Variants in ADGRF1 observed in about 807,000 individuals in gnomAD.
ADGRF1 encodes G protein-coupled receptor 110.
In ADGRF1, 85 loss-of-function variants were observed where a neutral mutation model predicts 87.2. The observed-to-expected ratio is 0.97, with a 90% CI of 0.82 to 1.17. ADGRF1 has a LOEUF of 1.17. ADGRF1 is among the 50% of genes most tolerant of loss of function. ADGRF1 has a pLI of 0.00. For missense variants in ADGRF1, 1,169 were observed against 1,077.2 expected, an observed-to-expected ratio of 1.09 and a Z score of -1.19; for synonymous variants, 430 against 408.8, an observed-to-expected ratio of 1.05 and a Z score of -0.63.
rs376035911 is a variant in ADGRF1 at position 47,009,999 on chromosome 6, A to G, written c.1436T>C (p.Ile479Thr). ...CAGAGTCAACGAGGCCATGCTGATA[A>G]TAGTTTCTGGAAGGGATCTCTGGAA... ...DQFQRSLPET[I>T]ISMASLTLGN... Residue 479 changes from isoleucine to threonine, a missense_variant, in exon 11 of 15, where the codon ATT (isoleucine) becomes ACT (threonine). Transcript: ENST00000371253. 5.6e-6 allele frequency: 9 copies of G among 1,614,042 alleles called. No individual in the cohort carries two copies. The highest frequency in any genetic ancestry group is 6.8e-6 in the Non-Finnish European group (8 of 1,180,026).
chr6:47,040,657 C>T (rs1024284971), intron 1 of ADGRF1, among the ~76,000 whole-genome samples: 23 of 152,302 alleles, frequency 1.5e-4, no homozygotes, highest in Middle Eastern at 6.8e-3. Context: ...ACCCTTGTGA[C>T]GCACACCCCA....
At position 47,012,054 on chromosome 6, in the gene ADGRF1, A is replaced by T; in HGVS notation, c.1069T>A (p.Ser357Thr). 6.2e-7 allele frequency: 1 copy of T among 1,614,046 alleles called. No homozygotes were observed. Among genetic ancestry groups the T allele is most frequent in the Non-Finnish European group, 8.5e-7 (1 of 1,179,956 alleles). The change falls in exon 10 of 15, where the codon TCT becomes ACT. Residue 357 changes from serine to threonine, a missense_variant. Transcript: ENST00000371253. ...SVVSILSNIS[S>T]LSLASHFRVS... ...CTGAAATGGCTGGCCAGTGACAGAG[A>T]TGAAATATTGCTCAGAATCGACACC...
intron 7 of ADGRF1, chr6:47,018,315 A>C: frequency 9.2e-7 from 1 of 1,088,396 alleles, no homozygotes; most frequent in Non-Finnish European, 1.2e-6. Flanking sequence ...TATCATTCCC[A>C]TTTTATAGAT....
chr6:47,019,212 G>T, intron 7 of ADGRF1: 1 of 806,916 alleles, frequency 1.2e-6, no homozygotes, highest in Non-Finnish European at 1.5e-6. Flanking sequence ...AGTATAAATA[G>T]AAAACAAGGA....
At chr6:47,022,160 AGT>A in intron 5 of ADGRF1, 102 bp from the exon 6 acceptor site, 1 of 673,130 alleles carries the variant, frequency 1.5e-6, no homozygotes. Context: ...TCTATTCAAC[AGT>A]GATGTTTCAA....
Position 47,009,893 on chromosome 6 carries a change from G to A in ADGRF1, c.1542C>T (p.Ser514=). 2 of 1,614,022 alleles carry A rather than the reference G, an allele frequency of 1.2e-6. No individual in the cohort carries two copies. Among genetic ancestry groups the A allele is most frequent in the Non-Finnish European group, 1.7e-6 (2 of 1,179,916 alleles). ...PVISTVIQNY[S]INEVFLFFSK... ...AAAAAAATAGGAAAACTTCATTTAT[G>A]GAATAGTTTTGAATAACCGTGGATA... The change falls in exon 11 of 15, where the codon TCC becomes TCT. Residue 514 remains serine, a synonymous_variant. Coordinates refer to ENST00000371253, the MANE Select transcript of ADGRF1 (RefSeq NM_153840.4).
At chr6:47,021,932 TTATA>T in intron 6 of ADGRF1, 22 bp downstream of exon 6, 1 of 1,236,862 alleles carries the variant, frequency 8.1e-7, no homozygotes, top group Non-Finnish European at 1.2e-6. Flanking sequence ...AAACGATTCC[TTATA>T]TAATAAGTAG....
chr6:47,030,573 A>AAT (rs1261666492), intron 1 of ADGRF1, among the ~76,000 whole-genome samples: 1 of 89,132 alleles, frequency 1.1e-5, no homozygotes, highest in Non-Finnish European at 2.4e-5. Flanking sequence ...TGATAACATG[A>AAT]ATATGTGTGT....
chr6:47,016,253 T>G (rs926222941), intron 8 of ADGRF1, among the ~76,000 whole-genome samples: 1 of 152,196 alleles, frequency 6.6e-6, no homozygotes, highest in Non-Finnish European at 1.5e-5. Flanking sequence ...TGTCTTTATA[T>G]GTGTTAAAGA....
rs767604212 is a variant in ADGRF1, at chr6:47,026,010, A to G, written c.128-7T>C. On this transcript the variant is annotated splice_polypyrimidine_tract_variant and splice_region_variant and intron_variant, in intron 3 of 14. Coordinates refer to ENST00000371253, the MANE Select transcript of ADGRF1 (RefSeq NM_153840.4). ...TGATATTCTTCGACTGGGCCTAAAG[A>G]GAGAAAGAGAGTCAGAAACCTTTTT... is the stretch of plus-strand genomic sequence containing the variant. 1.3e-6 allele frequency: 2 copies of G among 1,556,784 alleles called. No homozygotes were observed. Among genetic ancestry groups the G allele is most frequent in the Non-Finnish European group, 8.7e-7 (1 of 1,150,498 alleles).
At chr6:47,019,637 T>A (rs1326588368) in intron 7 of ADGRF1, 8 of 457,770 alleles carry the variant, frequency 1.7e-5, no homozygotes, top group African/African-American at 9.0e-5. Context: ...TGAGCCGAGA[T>A]CGTGCCACTG....
intron 13 of ADGRF1, among the ~76,000 whole-genome samples, chr6:47,004,110 G>A (rs1385442919): frequency 1.3e-5 from 2 of 151,984 alleles, no homozygotes. Flanking sequence ...GTCACATCCT[G>A]GCAACTTCAA....
At chr6:47,012,958 A>G in intron 9 of ADGRF1, 2 of 627,910 alleles carry the variant, frequency 3.2e-6, no homozygotes, top group Non-Finnish European at 4.0e-6. Context: ...TCCTTAGTAG[A>G]AACAGGGGTT....
intron 8 of ADGRF1, among the ~76,000 whole-genome samples, chr6:47,015,878 T>C (rs192901152): frequency 1.3e-5 from 2 of 151,996 alleles, no homozygotes; most frequent in Non-Finnish European, 2.9e-5. Flanking sequence ...GATTACAGGC[T>C]TTAGCCACTG....
chr6:47,030,858 G>A (rs1780395280), intron 1 of ADGRF1, among the ~76,000 whole-genome samples: 3 of 151,836 alleles, frequency 2.0e-5, no homozygotes, highest in South Asian at 4.2e-4. Context: ...CACCTTCCGG[G>A]TTCAAGCGAT....
chr6:47,012,954 G>T, intron 9 of ADGRF1: 1 of 617,632 alleles, frequency 1.6e-6, no homozygotes, highest in Non-Finnish European at 2.0e-6. Flanking sequence ...TGTATCCTTA[G>T]TAGAAACAGG....
chr6:47,012,824 C>A, intron 9 of ADGRF1: 1 of 950,246 alleles, frequency 1.1e-6, no homozygotes, highest in East Asian at 1.2e-4. Flanking sequence ...GGCTGGAGTG[C>A]GGTGGCATGA....
At chr6:47,027,651 C>T in intron 3 of ADGRF1, 53 bp downstream of exon 3, 1 of 1,250,880 alleles carries the variant, frequency 8.0e-7, no homozygotes, top group South Asian at 1.3e-5. Context: ...GATTAGAAAC[C>T]TGGTCCCTTG....
rs758069322 is a variant in ADGRF1, at chr6:47,032,967, T to TCC, written c.-43-3864_-43-3863insGG. ...ATTGCTTTGCGTGTGTGCAGGGTCA[T>TCC]CATAAATCCCTCTGAACTTCGCCTT... On this transcript the variant is annotated intron_variant, in intron 1 of 14. Transcript: ENST00000371253. Among the ~76,000 whole-genome samples, 55 of 152,242 alleles carry TCC rather than the reference T, an allele frequency of 3.6e-4. 1 individual carries two copies. The highest frequency in any genetic ancestry group is 2.1e-4 in the Non-Finnish European group (14 of 68,036).
Sources: allele counts gnomAD v4.1 joint callset (sites outside exome capture counted in the v4.1 genomes callset), GRCh38; gene constraint gnomAD v4.1.1; transcripts MANE v1.5; gene names NCBI Gene and HGNC (gene_info 2026-07-23, HGNC 2026-07-21).